The following PCDHGA10 variants were observed in gnomAD, a reference collection of about 807,000 sequenced individuals.
PCDHGA10 encodes the protein protocadherin gamma-A10.
In PCDHGA10, 42 loss-of-function variants were observed where a neutral mutation model predicts 59.5. The observed-to-expected ratio is 0.71, with a 90% CI of 0.55 to 0.91. The LOEUF (loss-of-function observed/expected upper bound fraction) is 0.91. PCDHGA10 is among the 40% of genes least tolerant of loss of function. The probability of loss-of-function intolerance (pLI) is 0.00; values close to 1 mark genes in which losing one functional copy is unlikely to be tolerated. For missense variants in PCDHGA10, 1,111 were observed against 1,198.2 expected (o/e 0.93, Z 1.07); for synonymous variants, 511 against 517.2 (o/e 0.99, Z 0.16).
At chr5:141,451,004 T>A (rs2098704048) in intron 1 of PCDHGA10, among the ~76,000 whole-genome samples, 1 of 151,474 alleles carries the variant, frequency 6.6e-6, no homozygotes, top group South Asian at 2.1e-4. Flanking sequence ...TTTTTGTATT[T>A]TTTTTAGTAG....
intron 1 of PCDHGA10, chr5:141,421,916 G>A (rs754653877): frequency 2.5e-6 from 4 of 1,613,646 alleles, no homozygotes; most frequent in Non-Finnish European, 2.5e-6. Flanking sequence ...GTTCCCATTC[G>A]TGTGGTGGTC....
chr5:141,452,449 T>G (rs1482580788), intron 1 of PCDHGA10, among the ~76,000 whole-genome samples: 1 of 152,224 alleles, frequency 6.6e-6, no homozygotes, highest in South Asian at 2.1e-4. Flanking sequence ...TTCTAGGCCT[T>G]GTCAGCAGAC....
chr5:141,418,986 C>T, intron 1 of PCDHGA10: 1 of 1,613,930 alleles, frequency 6.2e-7, no homozygotes, highest in Non-Finnish European at 8.5e-7. Context: ...GACCAAGACT[C>T]AGGGGAAAAT....
rs561392729 is a variant in PCDHGA10, at chr5:141,475,706, G to T, written c.2437-19101G>T. On this transcript the variant is annotated intron_variant, in intron 1 of 3. Transcript: ENST00000398610. ...GGATTGGAGACTTGCAGAACGGCTA[G>T]CCTCACAGCCCCAAGGCTGGCTTTC... Among the ~76,000 whole-genome samples the T allele has an allele frequency of 7.2e-5, 11 of 152,364 alleles. 1 individual carries two copies. In the South Asian group the frequency reaches 2.3e-3, roughly 32 times the overall value.
At chr5:141,451,832 G>A (rs1190124133) in intron 1 of PCDHGA10, among the ~76,000 whole-genome samples, 1 of 150,948 alleles carries the variant, frequency 6.6e-6, no homozygotes, top group Non-Finnish European at 1.5e-5. Context: ...AGTGAGCCGA[G>A]ATCACACCAC....
At chr5:141,443,054 A>G (rs1591749542) in intron 1 of PCDHGA10, among the ~76,000 whole-genome samples, 1 of 152,218 alleles carries the variant, frequency 6.6e-6, no homozygotes. Flanking sequence ...TTATTGTTCC[A>G]CTGAAGAGCG....
chr5:141,419,943 C>G (rs2096450865), intron 1 of PCDHGA10: 4 of 1,614,070 alleles, frequency 2.5e-6, no homozygotes, highest in Non-Finnish European at 3.4e-6. Flanking sequence ...CTGGTGGTGG[C>G]CTTGGCCTTG....
intron 1 of PCDHGA10, among the ~76,000 whole-genome samples, chr5:141,481,994 A>AG (rs2099550091): frequency 1.3e-5 from 2 of 151,258 alleles, no homozygotes; most frequent in African/African-American, 4.9e-5. Context: ...TTGAAGCAGG[A>AG]GAATCGCTTT....
chr5:141,446,253 A>T (rs1452074783), intron 1 of PCDHGA10, among the ~76,000 whole-genome samples: 3 of 152,164 alleles, frequency 2.0e-5, no homozygotes, highest in African/African-American at 7.2e-5. Context: ...CTTCAGTGAA[A>T]TATTATTAAC....
intron 1 of PCDHGA10, chr5:141,441,823 C>T (rs538052540): frequency 3.9e-5 from 14 of 357,336 alleles, no homozygotes; most frequent in Non-Finnish European, 6.6e-5. Context: ...AGCTCTGGAG[C>T]GCAATGGCTT....
chr5:141,433,359 C>CTATCTATCTATA, intron 1 of PCDHGA10: 1 of 228,708 alleles, frequency 4.4e-6, no homozygotes, highest in South Asian at 4.1e-5. Context: ...TACTGTCTGC[C>CTATCTATCTATA]TATCTATCTA....
At chr5:141,419,713 C>T in intron 1 of PCDHGA10, 1 of 1,613,264 alleles carries the variant, frequency 6.2e-7, no homozygotes, top group East Asian at 2.2e-5. Context: ...GGCTCTTCAG[C>T]CTGGGGCTGC....
rs2154581798 is a variant in PCDHGA10, at chr5:141,489,799, G to T, written c.2437-5008G>T. 1 of 1,614,192 alleles carries T rather than the reference G, an allele frequency of 6.2e-7. No homozygotes were observed. The highest frequency in any genetic ancestry group is 2.2e-5 in the East Asian group (1 of 44,884). On this transcript the variant is annotated intron_variant, in intron 1 of 3. Coordinates refer to ENST00000398610, the MANE Select transcript of PCDHGA10 (RefSeq NM_018913.3). The surrounding 1 kb of genome is among the most constrained non-coding windows in gnomAD (Gnocchi z 4.5). Reference sequence around the variant, plus strand: ...CTCTCTGAATGTGAAGACCCTAAAAGATGGGAAGCCATTCCCAGAGCTGGT... The same window carrying T: ...CTCTCTGAATGTGAAGACCCTAAAATATGGGAAGCCATTCCCAGAGCTGGT...
intron 1 of PCDHGA10, among the ~76,000 whole-genome samples, chr5:141,470,825 C>A (rs557419577): frequency 6.6e-6 from 1 of 152,182 alleles, no homozygotes; most frequent in Admixed American, 6.5e-5. Context: ...GTAGTTAGGA[C>A]GACAAACACA....
At chr5:141,433,866 T>C (rs1191114798) in intron 1 of PCDHGA10, among the ~76,000 whole-genome samples, 1 of 151,870 alleles carries the variant, frequency 6.6e-6, no homozygotes, top group African/African-American at 2.4e-5. Context: ...CTTTATCCTC[T>C]AGTTTCATCC....
chr5:141,483,573 G>A (rs2099583012), intron 1 of PCDHGA10, among the ~76,000 whole-genome samples: 1 of 152,072 alleles, frequency 6.6e-6, no homozygotes, highest in Non-Finnish European at 1.5e-5. Context: ...GTGAATTCTG[G>A]CATAAACACC....
intron 1 of PCDHGA10, among the ~76,000 whole-genome samples, chr5:141,467,789 G>A (rs1264350552): frequency 6.6e-6 from 1 of 152,066 alleles, no homozygotes; most frequent in Non-Finnish European, 1.5e-5. Context: ...CTCTCAAGTA[G>A]CTGGGACTAC....
chr5:141,435,629 A>G (rs2097772414), intron 1 of PCDHGA10, among the ~76,000 whole-genome samples: 1 of 152,162 alleles, frequency 6.6e-6, no homozygotes, highest in Admixed American at 6.5e-5. Flanking sequence ...TAACTTTTAC[A>G]ACTATGGGAA....
At position 141,491,724 on chromosome 5, in the gene PCDHGA10, G is replaced by A; in HGVS notation, c.2437-3083G>A. ...AGGTGAGGGGCTCGGCGCCGCCCCGGGCGACCCCTGGGGGCGGCACTGGAG... is the reference window on the plus strand; with the variant it reads ...AGGTGAGGGGCTCGGCGCCGCCCCGAGCGACCCCTGGGGGCGGCACTGGAG... On this transcript the variant is annotated intron_variant, in intron 1 of 3. Coordinates refer to ENST00000398610, the MANE Select transcript of PCDHGA10 (RefSeq NM_018913.3). This position sits in a 1 kb window ranked among gnomAD's most constrained non-coding sequence, Gnocchi z 6.9. 1 of 1,606,454 alleles carries A rather than the reference G, an allele frequency of 6.2e-7. No individual in the cohort carries two copies. The highest frequency in any genetic ancestry group is 1.1e-5 in the South Asian group (1 of 90,304).
Sources: gnomAD v4.1 joint callset for allele counts (sites outside exome capture counted in the v4.1 genomes callset) on GRCh38, gnomAD v4.1.1 for gene constraint, Gnocchi (gnomAD v3.1) non-coding constraint, MANE v1.5 for transcripts, NCBI Gene and HGNC (gene_info 2026-07-23, HGNC 2026-07-21) for gene names.